ATP11B: variants seen among roughly 807,000 people sequenced by gnomAD.
ATP11B encodes the protein phospholipid-transporting ATPase IF.
A neutral mutation model predicts 157.8 loss-of-function variants in ATP11B; 81 were observed. The observed-to-expected ratio is 0.51, with a 90% CI of 0.43 to 0.62. The LOEUF (loss-of-function observed/expected upper bound fraction) is 0.62. Among genes scored for constraint, ATP11B ranks in the 20% least tolerant of loss-of-function variants. ATP11B has a pLI of 0.00. For synonymous variants in ATP11B, 451 were observed against 469.4 expected (o/e 0.96, Z 0.51); for missense variants, 1,165 against 1,402.2 (o/e 0.83, Z 2.70).
Position 182,836,405 on chromosome 3 carries a change from T to A in ATP11B, c.487T>A (p.Ser163Thr), listed in dbSNP as rs1243069341. Residue 163 changes from serine (S) to threonine (T), a missense_variant, in exon 6 of 30, where the codon TCA (serine) becomes ACA (threonine). Ser to Thr is a moderately conservative substitution (Grantham distance 58). Coordinates refer to ENST00000323116, the MANE Select transcript of ATP11B (RefSeq NM_014616.3). Reference protein sequence around the residue: ...IFPADLVLLSSDRLDGSCHVT... With the variant: ...IFPADLVLLSTDRLDGSCHVT... ...TCCTGCAGACTTGGTGCTTCTGTCC[T>A]CAGATCGACTGGATGGTTCCTGTCA... The A allele has an allele frequency of 2.5e-6, 4 of 1,613,976 alleles. No individual in the cohort carries two copies. In the South Asian group the frequency reaches 4.4e-5, roughly 18 times the overall value.
chr3:182,881,295 G>C (rs867053604), intron 21 of ATP11B, among the ~76,000 whole-genome samples: 2 of 152,078 alleles, frequency 1.3e-5, no homozygotes, highest in Non-Finnish European at 2.9e-5. Flanking sequence ...TTAGCCAGGC[G>C]TGGTGGCACG....
At chr3:182,876,357 C>A (rs943484013) in intron 19 of ATP11B, among the ~76,000 whole-genome samples, 3 of 151,908 alleles carry the variant, frequency 2.0e-5, no homozygotes, top group African/African-American at 7.3e-5. Context: ...TTCTTTAAGT[C>A]TTCTGTATAT....
chr3:182,853,691 TAATA>T (rs1335593518), intron 10 of ATP11B, among the ~76,000 whole-genome samples: 19 of 152,214 alleles, frequency 1.2e-4, no homozygotes, highest in African/African-American at 4.6e-4. Flanking sequence ...GAAATCACAT[TAATA>T]GATTGTCAAG....
intron 10 of ATP11B, among the ~76,000 whole-genome samples, chr3:182,856,393 A>G (rs1020150731): frequency 4.6e-5 from 7 of 152,174 alleles, no homozygotes; most frequent in Non-Finnish European, 1.0e-4. Flanking sequence ...TTAGTAATGT[A>G]GGGAAAAAGG....
chr3:182,870,755 C>T (rs983728116), intron 17 of ATP11B, among the ~76,000 whole-genome samples: 12 of 150,596 alleles, frequency 8.0e-5, no homozygotes, highest in African/African-American at 2.2e-4. Flanking sequence ...TAGCAGATCA[C>T]GAGGTCAGGA....
At chr3:182,892,602 T>G (rs972172492) in intron 25 of ATP11B, among the ~76,000 whole-genome samples, 5 of 152,196 alleles carry the variant, frequency 3.3e-5, no homozygotes, top group Admixed American at 6.5e-5. Context: ...GTCTAGCAAT[T>G]TTATGTTAAT....
intron 24 of ATP11B, 100 bp downstream of exon 24, chr3:182,887,813 T>G: frequency 4.0e-6 from 5 of 1,265,602 alleles, no homozygotes; most frequent in Non-Finnish European, 5.5e-6. Context: ...CTAAGGAAAG[T>G]TCTTTAGTTG....
At chr3:182,899,530 A>G (rs1723805738) in intron 28 of ATP11B, among the ~76,000 whole-genome samples, 1 of 152,202 alleles carries the variant, frequency 6.6e-6, no homozygotes, top group Admixed American at 6.5e-5. Flanking sequence ...TTTGTACAGA[A>G]TAGAATTTTT....
At chr3:182,916,490 A>G (rs1438174010) in intron 29 of ATP11B, 1 of 985,242 alleles carries the variant, frequency 1.0e-6, no homozygotes, top group Non-Finnish European at 1.2e-6. Context: ...CCATATTGCA[A>G]GCTCAGTTTC....
intron 28 of ATP11B, among the ~76,000 whole-genome samples, chr3:182,900,491 A>G (rs796206857): frequency 3.5e-4 from 53 of 152,238 alleles, no homozygotes; most frequent in African/African-American, 1.1e-3. Context: ...TGATTCCTCT[A>G]TCTGTCCATG....
At chr3:182,859,491 T>G (rs1720671131) in intron 12 of ATP11B, 132 bp downstream of exon 12, 1 of 632,564 alleles carries the variant, frequency 1.6e-6, no homozygotes, top group Non-Finnish European at 2.5e-6. Flanking sequence ...CACTCCTAGC[T>G]GTTCCCAATT....
intron 10 of ATP11B, among the ~76,000 whole-genome samples, chr3:182,850,942 G>A (rs1226607324): frequency 5.3e-5 from 8 of 152,092 alleles, no homozygotes; most frequent in African/African-American, 1.7e-4. Flanking sequence ...GAATGAAATC[G>A]TGTCATTAGC....
chr3:182,869,211 A>T lies in ATP11B; in HGVS notation c.1763-17A>T. ...TGTAATATTAAGAGTCTGATAACTC[A>T]TTTTTTTTGTCTCTAGGTGAGAAGT... On this transcript the variant is annotated splice_polypyrimidine_tract_variant and intron_variant, in intron 16 of 29. Coordinates refer to ENST00000323116, the MANE Select transcript of ATP11B (RefSeq NM_014616.3). 2.5e-6 allele frequency: 4 copies of T among 1,596,034 alleles called. No individual in the cohort carries two copies. Among genetic ancestry groups the T allele is most frequent in the East Asian group, 2.2e-5 (1 of 44,590 alleles).
intron 13 of ATP11B, among the ~76,000 whole-genome samples, chr3:182,865,997 T>G (rs1721204134): frequency 6.6e-6 from 1 of 152,180 alleles, no homozygotes. Flanking sequence ...GAGCTTAAAT[T>G]TATTTAATAC....
chr3:182,887,129 A>T (rs1433644485), intron 23 of ATP11B, among the ~76,000 whole-genome samples: 2 of 152,196 alleles, frequency 1.3e-5, no homozygotes, highest in Non-Finnish European at 2.9e-5. Context: ...GACTTAAGCC[A>T]TTGTGCAGAG....
Position 182,868,972 on chromosome 3 carries a change from T to G in ATP11B, c.1689-106T>G, listed in dbSNP as rs1681405222. On this transcript the variant is annotated intron_variant, in intron 15 of 29. Coordinates refer to ENST00000323116, the MANE Select transcript of ATP11B (RefSeq NM_014616.3). ...ATCATGAAAATGGTATTAATTCTTG[T>G]TCTCAATTAGCCATTTTATCTTATA... 9 of 657,186 alleles carry G rather than the reference T, an allele frequency of 1.4e-5. No individual in the cohort carries two copies. In the South Asian group the frequency reaches 2.0e-4, roughly 15 times the overall value. The allele number at this position is 657,186 out of a possible 1,614,324, so 40.7% of individuals were successfully genotyped here.
chr3:182,879,660 A>G lies in ATP11B; in HGVS notation c.2406+11A>G, dbSNP rs983460830. On this transcript the variant is annotated intron_variant, in intron 20 of 29. Coordinates refer to ENST00000323116, the MANE Select transcript of ATP11B (RefSeq NM_014616.3). Reference sequence around the variant, plus strand: ...CTGCAGAAAGCAAAAGTATGTATATATGTTATAAAAAAGTCCCATAAAGCT... The same window carrying G: ...CTGCAGAAAGCAAAAGTATGTATATGTGTTATAAAAAAGTCCCATAAAGCT... 6.3e-7 allele frequency: 1 copy of G among 1,591,434 alleles called. No homozygotes were observed. The highest frequency in any genetic ancestry group is 8.5e-7 in the Non-Finnish European group (1 of 1,171,672).
chr3:182,834,378 G>T (rs569517113), intron 4 of ATP11B, among the ~76,000 whole-genome samples: 1 of 151,754 alleles, frequency 6.6e-6, no homozygotes, highest in Non-Finnish European at 1.5e-5. Context: ...TTTTTTAAGG[G>T]AAACAGCACA....
In ATP11B at chr3:182,867,419, G is replaced by T. The variant is rs1721325504; in HGVS notation, c.1663G>T (p.Val555Phe). 1 of 1,610,216 alleles carries T rather than the reference G, an allele frequency of 6.2e-7. No individual in the cohort carries two copies. Among genetic ancestry groups the T allele is most frequent in the Non-Finnish European group, 8.5e-7 (1 of 1,176,860 alleles). The stretch of plus-strand genomic sequence containing the variant: ...TGGCAATTCTGAAGAAACTATGGAG[G>T]TTAAAACTCTTGGAAAACTGGAACG... ...FIGNSEETME[V>F]KTLGKLERYK... Residue 555 changes from valine to phenylalanine, a missense_variant, in exon 15 of 30, where the codon GTT (valine) becomes TTT (phenylalanine). By Grantham distance (50) the Val-to-Phe change is conservative (BLOSUM62 -1). Coordinates refer to ENST00000323116, the MANE Select transcript of ATP11B (RefSeq NM_014616.3).
Sources: allele counts gnomAD v4.1 joint callset (sites outside exome capture counted in the v4.1 genomes callset), GRCh38; gene constraint gnomAD v4.1.1; transcripts MANE v1.5; gene names NCBI Gene and HGNC (gene_info 2026-07-23, HGNC 2026-07-21).